The following KCTD16 variants were observed in gnomAD, a reference collection of about 807,000 sequenced individuals.
KCTD16 encodes potassium channel tetramerization domain containing 16.
Under a neutral mutation model 33.2 loss-of-function variants are expected in KCTD16, and 13 were observed. The observed-to-expected ratio is 0.39, with a 90% confidence interval of 0.25 to 0.62. The LOEUF is 0.62. Among genes scored for constraint, KCTD16 ranks in the 20% least tolerant of loss-of-function variants. The probability of loss-of-function intolerance (pLI) is 0.50; values close to 1 mark genes in which losing one functional copy is unlikely to be tolerated. For missense variants in KCTD16, 441 were observed against 525.1 expected (o/e 0.84, Z 1.57); for synonymous variants, 197 against 195.3 (o/e 1.01, Z -0.07).
chr5:144,430,020 T>A (rs17101882), intron 3 of KCTD16, among the ~76,000 whole-genome samples: 10,546 of 152,162 alleles, frequency 0.069, 1,233 homozygotes, highest in African/African-American at 0.24. Flanking sequence ...AGGCTACAAG[T>A]TGACTGGAAT....
intron 3 of KCTD16, among the ~76,000 whole-genome samples, chr5:144,322,510 C>G (rs1443004822): frequency 6.6e-6 from 1 of 151,436 alleles, no homozygotes; most frequent in Non-Finnish European, 1.5e-5. Flanking sequence ...ACAGAAAAAA[C>G]AAACAAACAA....
chr5:144,172,130 A>G (rs1182216262), intron 1 of KCTD16, among the ~76,000 whole-genome samples: 1 of 152,016 alleles, frequency 6.6e-6, no homozygotes, highest in Non-Finnish European at 1.5e-5. Flanking sequence ...CCCCAATAAA[A>G]CAAACAGAAA....
intron 2 of KCTD16, among the ~76,000 whole-genome samples, chr5:144,187,875 C>T (rs576547269): frequency 1.3e-5 from 2 of 152,184 alleles, no homozygotes; most frequent in African/African-American, 4.8e-5. Context: ...GCCAGCAGCT[C>T]TTCTACTTCA....
At chr5:144,257,589 C>T (rs1561545246) in intron 3 of KCTD16, among the ~76,000 whole-genome samples, 1 of 151,890 alleles carries the variant, frequency 6.6e-6, no homozygotes, top group Non-Finnish European at 1.5e-5. Context: ...CCTGGGTTCA[C>T]GCCATTCTCC....
chr5:144,294,388 A>C (rs1389377652), intron 3 of KCTD16, among the ~76,000 whole-genome samples: 1 of 152,304 alleles, frequency 6.6e-6, no homozygotes, highest in South Asian at 2.1e-4. Context: ...CTTTTTAACT[A>C]GATGTCTAAG....
At position 144,312,745 on chromosome 5, in the gene KCTD16, A is replaced by C. The variant is rs149453480; in HGVS notation, c.832+105199A>C. ...TTGGCAAAGTGCTAGAGGAACCTCCACTGGAAAAGGGTGTGAAGGGTTCCT... is the reference window on the plus strand; with the variant it reads ...TTGGCAAAGTGCTAGAGGAACCTCCCCTGGAAAAGGGTGTGAAGGGTTCCT... On this transcript the variant is annotated intron_variant, in intron 3 of 3. Coordinates refer to ENST00000512467, the MANE Select transcript of KCTD16 (RefSeq NM_020768.4). 5.9e-3 allele frequency among the ~76,000 whole-genome samples: 906 copies of C among 152,334 alleles called. 6 individuals carry two copies. Among genetic ancestry groups the C allele is most frequent in the African/African-American group, 0.021 (878 of 41,576 alleles).
intron 2 of KCTD16, among the ~76,000 whole-genome samples, chr5:144,179,369 C>T (rs917441771): frequency 1.3e-5 from 2 of 152,198 alleles, no homozygotes; most frequent in Admixed American, 1.3e-4. Flanking sequence ...CCCATGGGAA[C>T]CAGGAGGCAA....
At chr5:144,463,826 G>A (rs1161395684) in intron 3 of KCTD16, among the ~76,000 whole-genome samples, 1 of 152,178 alleles carries the variant, frequency 6.6e-6, no homozygotes, top group Non-Finnish European at 1.5e-5. Context: ...TTGACATGTA[G>A]TAAACATTCA....
At chr5:144,231,902 C>T (rs759576683) in intron 3 of KCTD16, among the ~76,000 whole-genome samples, 1 of 152,038 alleles carries the variant, frequency 6.6e-6, no homozygotes, top group Non-Finnish European at 1.5e-5. Flanking sequence ...TTATTAGCAG[C>T]GTGAGAACAG....
At chr5:144,227,416 A>G (rs1366380061) in intron 3 of KCTD16, among the ~76,000 whole-genome samples, 1 of 152,144 alleles carries the variant, frequency 6.6e-6, no homozygotes, top group Non-Finnish European at 1.5e-5. Flanking sequence ...TAAGGGAGGA[A>G]GAGGCTGGGA....
chr5:144,282,049 A>T (rs1208268912), intron 3 of KCTD16, among the ~76,000 whole-genome samples: 1 of 152,202 alleles, frequency 6.6e-6, no homozygotes, highest in Admixed American at 6.5e-5. Flanking sequence ...AATGATAAGA[A>T]TGATAAGAAT....
intron 3 of KCTD16, among the ~76,000 whole-genome samples, chr5:144,277,383 T>C (rs1417941038): frequency 6.6e-6 from 1 of 152,220 alleles, no homozygotes; most frequent in Non-Finnish European, 1.5e-5. Flanking sequence ...AACTGCTAAA[T>C]AACTTCCTCT....
chr5:144,401,220 A>G (rs955817493), intron 3 of KCTD16, among the ~76,000 whole-genome samples: 4 of 152,316 alleles, frequency 2.6e-5, no homozygotes, highest in South Asian at 2.1e-4. Flanking sequence ...TTTAATTACA[A>G]TTAATTAATT....
chr5:144,352,401 G>A (rs917046338), intron 3 of KCTD16, among the ~76,000 whole-genome samples: 2 of 152,172 alleles, frequency 1.3e-5, no homozygotes, highest in Non-Finnish European at 2.9e-5. Flanking sequence ...ATAACTGAAT[G>A]AATACTAGGG....
chr5:144,452,281 C>T (rs1312168720), intron 3 of KCTD16, among the ~76,000 whole-genome samples: 1 of 151,456 alleles, frequency 6.6e-6, no homozygotes, highest in African/African-American at 2.4e-5. Context: ...TTTGAACATA[C>T]TATGTAAAAT....
At chr5:144,353,492 T>C (rs1751493632) in intron 3 of KCTD16, among the ~76,000 whole-genome samples, 1 of 152,200 alleles carries the variant, frequency 6.6e-6, no homozygotes, top group South Asian at 2.1e-4. Context: ...TTATCTTTAC[T>C]TATAAATTGA....
At chr5:144,275,434 T>C (rs1755412147) in intron 3 of KCTD16, among the ~76,000 whole-genome samples, 1 of 152,178 alleles carries the variant, frequency 6.6e-6, no homozygotes, top group South Asian at 2.1e-4. Context: ...GACCCACTGG[T>C]ACTATTTACT....
At chr5:144,208,972 C>T (rs895101660) in intron 3 of KCTD16, among the ~76,000 whole-genome samples, 1 of 152,162 alleles carries the variant, frequency 6.6e-6, no homozygotes, top group African/African-American at 2.4e-5. Context: ...AAATTTCCCA[C>T]TAGTGTAGAG....
In KCTD16 at chr5:144,481,073, TA is replaced by T. The variant is rs1754695703; in HGVS notation, c.*6960del. 1 of 151,954 alleles carries T rather than the reference TA, an allele frequency of 6.6e-6. No individual in the cohort carries two copies. Among genetic ancestry groups the T allele is most frequent in the African/African-American group, 2.4e-5 (1 of 41,420 alleles). 9.4% of individuals were successfully genotyped at this position (151,954 alleles called of 1,614,324 possible). A position where few individuals can be genotyped will look rare whatever the true frequency, so the allele number is the denominator to read the frequency against. ...ATCTGGTAGTGATGAGGAAGGCCTG[TA>T]GTTTAGGTGTCTTGTGTTCTTCTAC... On this transcript the variant is annotated 3_prime_UTR_variant, in exon 4 of 4. Coordinates refer to ENST00000512467, the MANE Select transcript of KCTD16 (RefSeq NM_020768.4).
Sources: allele counts gnomAD v4.1 joint callset (sites outside exome capture counted in the v4.1 genomes callset), GRCh38; gene constraint gnomAD v4.1.1; transcripts MANE v1.5; gene names NCBI Gene and HGNC (gene_info 2026-07-23, HGNC 2026-07-21).